The following NOL10 variants were observed in gnomAD, a reference collection of about 807,000 sequenced individuals.
NOL10 encodes the protein H_NH0074G24.1.
In NOL10, 58 loss-of-function variants were observed where a neutral mutation model predicts 103.5. The observed-to-expected ratio is 0.56, with a 90% CI of 0.45 to 0.70. The LOEUF is 0.70. Ranked by LOEUF, NOL10 falls within the 30% of genes least tolerant of loss-of-function variation. The pLI is 0.00. For synonymous variants in NOL10, 287 were observed against 282.5 expected (o/e 1.02, Z -0.16); for missense variants, 763 against 807.3 (o/e 0.95, Z 0.67).
At chr2:10,640,889 C>A (rs979911700) in intron 13 of NOL10, among the ~76,000 whole-genome samples, 1 of 152,142 alleles carries the variant, frequency 6.6e-6, no homozygotes, top group Non-Finnish European at 1.5e-5. Context: ...AACCAGGAAC[C>A]AATTTGTATA....
At chr2:10,590,778 C>T (rs895846766) in intron 17 of NOL10, 1 of 152,204 alleles carries the variant, frequency 6.6e-6, no homozygotes, top group Non-Finnish European at 1.5e-5. Flanking sequence ...TGTAAACTTA[C>T]CTGTTCACTT....
intron 19 of NOL10, 148 bp downstream of exon 19, chr2:10,588,895 G>T: frequency 8.3e-7 from 1 of 1,212,120 alleles, no homozygotes; most frequent in Non-Finnish European, 1.1e-6. Flanking sequence ...CTCCTGCACG[G>T]CCTTACCTCC....
intron 13 of NOL10, among the ~76,000 whole-genome samples, chr2:10,619,572 T>G (rs1442191240): frequency 6.6e-6 from 1 of 152,244 alleles, no homozygotes; most frequent in Non-Finnish European, 1.5e-5. Context: ...TATTCTAATT[T>G]GAAGTGGAAT....
In NOL10 at chr2:10,577,627, A is replaced by AC. The variant is rs772171165; in HGVS notation, c.1947+8dup. The AC allele has an allele frequency of 1.9e-6, 3 of 1,588,750 alleles. No homozygotes were observed. In the East Asian group the frequency reaches 6.7e-5, roughly 36 times the overall value. Reference sequence around the variant, plus strand: ...GTGAATTAAAAAATAACAATAAAAGACAACTCACCCTCTTTAACGTGAATG... The same window carrying AC: ...GTGAATTAAAAAATAACAATAAAAGACCAACTCACCCTCTTTAACGTGAATG... On this transcript the variant is annotated intron_variant, in intron 20 of 20. Transcript: ENST00000381685.
At chr2:10,671,487 G>A (rs1366437158) in intron 6 of NOL10, 67 bp downstream of exon 6, 25 of 1,281,528 alleles carry the variant, frequency 2.0e-5, no homozygotes, top group Admixed American at 3.4e-5. Flanking sequence ...AAATGTACAC[G>A]AAATTTAGGA....
chr2:10,572,868 G>C (rs1045286472), intron 20 of NOL10, among the ~76,000 whole-genome samples: 2 of 152,130 alleles, frequency 1.3e-5, no homozygotes, highest in Non-Finnish European at 2.9e-5. Context: ...GCTCACATTT[G>C]TCCTCAATGC....
intron 12 of NOL10, among the ~76,000 whole-genome samples, chr2:10,650,395 C>T (rs762144746): frequency 3.3e-5 from 5 of 151,752 alleles, no homozygotes; most frequent in Non-Finnish European, 7.4e-5. Flanking sequence ...GAACTCCTGG[C>T]CTCAAGTGAT....
chr2:10,659,648 G>A (rs927283584), intron 9 of NOL10, among the ~76,000 whole-genome samples: 6 of 152,078 alleles, frequency 3.9e-5, no homozygotes, highest in Admixed American at 6.5e-5. Context: ...ATTCCACTGC[G>A]CTGCAGTGGA....
chr2:10,656,735 G>A (rs539332590), intron 11 of NOL10, among the ~76,000 whole-genome samples: 1 of 152,284 alleles, frequency 6.6e-6, no homozygotes, highest in African/African-American at 2.4e-5. Context: ...CTGGTGGGCC[G>A]TCCACCCGAC....
intron 14 of NOL10, among the ~76,000 whole-genome samples, chr2:10,606,230 T>G (rs1572276242): frequency 3.7e-5 from 1 of 27,138 alleles, no homozygotes; most frequent in Non-Finnish European, 6.4e-5. Flanking sequence ...ATTTATCTTT[T>G]TTTTTTTTTT....
intron 13 of NOL10, among the ~76,000 whole-genome samples, chr2:10,643,318 T>A (rs1168196541): frequency 6.6e-6 from 1 of 152,222 alleles, no homozygotes; most frequent in Non-Finnish European, 1.5e-5. Context: ...ATAATTTTCA[T>A]ACCTGCAAGA....
intron 8 of NOL10, 124 bp downstream of exon 8, chr2:10,667,094 G>A: frequency 1.5e-6 from 1 of 667,588 alleles, no homozygotes; most frequent in African/African-American, 1.8e-5. Flanking sequence ...TTACTCTACA[G>A]GATGTTCAAG....
At chr2:10,612,073 T>C (rs996233857) in intron 13 of NOL10, among the ~76,000 whole-genome samples, 1 of 151,982 alleles carries the variant, frequency 6.6e-6, no homozygotes, top group Non-Finnish European at 1.5e-5. Context: ...CAGTGAGCTA[T>C]GATGGTGCCA....
At chr2:10,652,920 G>T (rs557669830) in intron 12 of NOL10, among the ~76,000 whole-genome samples, 1 of 152,148 alleles carries the variant, frequency 6.6e-6, no homozygotes, top group Non-Finnish European at 1.5e-5. Context: ...TTCTGGCCAG[G>T]CGCGGCGGCT....
rs749136440 is a variant in NOL10, at chr2:10,654,518, C to T, written c.936G>A (p.Glu312=). 3.1e-6 allele frequency: 5 copies of T among 1,600,946 alleles called. No individual in the cohort carries two copies. The South Asian group carries it at 4.6e-5, about 15-fold the overall frequency. Residue 312 remains glutamate (E), a synonymous_variant, in exon 12 of 21, where the codon GAG becomes GAA. Coordinates refer to ENST00000381685, the MANE Select transcript of NOL10 (RefSeq NM_024894.4). ...AGAGACAAACATCATTAAGGTCATG[C>T]TCTGGCTCCAAGGAAGTAAATATTT... ...SGKIFTSLEP[E]HDLNDVCLYP...
At chr2:10,641,818 A>G (rs1990612) in intron 13 of NOL10, among the ~76,000 whole-genome samples, 87,919 of 151,978 alleles carry the variant, frequency 0.58, 26,547 homozygotes, top group African/African-American at 0.74. Context: ...CACTGCAACC[A>G]TCTTCAGGAC....
chr2:10,583,963 T>C (rs1268473557), intron 19 of NOL10, among the ~76,000 whole-genome samples: 1 of 152,232 alleles, frequency 6.6e-6, no homozygotes, highest in African/African-American at 2.4e-5. Flanking sequence ...TTGGAATAGA[T>C]TGGATCCCAT....
chr2:10,605,358 A>G (rs1024699294), intron 14 of NOL10, among the ~76,000 whole-genome samples: 3 of 152,234 alleles, frequency 2.0e-5, no homozygotes, highest in Non-Finnish European at 1.5e-5. Context: ...ACTAAAAATA[A>G]TCTTAGGAAG....
intron 13 of NOL10, among the ~76,000 whole-genome samples, chr2:10,637,142 T>C (rs1199972341): frequency 7.2e-6 from 1 of 138,894 alleles, no homozygotes; most frequent in East Asian, 2.1e-4. Context: ...TGGAGGTTGA[T>C]TGTGCTACTG....
Sources: allele counts gnomAD v4.1 joint callset (sites outside exome capture counted in the v4.1 genomes callset), GRCh38; gene constraint gnomAD v4.1.1; transcripts MANE v1.5; gene names NCBI Gene and HGNC (gene_info 2026-07-23, HGNC 2026-07-21).